The following AKT3 variants were observed in gnomAD, a reference collection of about 807,000 sequenced individuals.
The protein encoded by AKT3 is AKT serine/threonine kinase 3.
A neutral mutation model predicts 65.3 loss-of-function variants in AKT3; 15 were observed. That is an observed-to-expected ratio of 0.23 (90% CI 0.15 to 0.35). The LOEUF (loss-of-function observed/expected upper bound fraction) is 0.35, where lower values mean the gene tolerates loss of function less well. Among genes scored for constraint, AKT3 ranks in the 10% least tolerant of loss-of-function variants. The probability of loss-of-function intolerance (pLI) is 1.00; values close to 1 mark genes in which losing one functional copy is unlikely to be tolerated. For missense variants in AKT3, 243 were observed against 576.5 expected (o/e 0.42, Z 5.92); for synonymous variants, 206 against 183.8 (o/e 1.12, Z -0.98).
At chr1:243,823,971 ACAAAG>A (rs1280398014) in intron 2 of AKT3, among the ~76,000 whole-genome samples, 1 of 152,212 alleles carries the variant, frequency 6.6e-6, no homozygotes, top group Non-Finnish European at 1.5e-5. Flanking sequence ...AGCAAAAAGA[ACAAAG>A]CTGGAGGCAT....
At chr1:243,609,130 G>A (rs752777787) in intron 8 of AKT3, among the ~76,000 whole-genome samples, 6 of 151,672 alleles carry the variant, frequency 4.0e-5, no homozygotes, top group Non-Finnish European at 8.8e-5. Flanking sequence ...AATTAAACAA[G>A]TTGCCACAAG....
chr1:243,636,325 C>G (rs1012600010), intron 6 of AKT3, among the ~76,000 whole-genome samples: 7 of 151,500 alleles, frequency 4.6e-5, no homozygotes, highest in Non-Finnish European at 1.0e-4. Context: ...TTCATTTAAC[C>G]CTGAAAATAA....
intron 2 of AKT3, among the ~76,000 whole-genome samples, chr1:243,751,839 A>G (rs1282750286): frequency 6.6e-6 from 1 of 152,204 alleles, no homozygotes; most frequent in Admixed American, 6.5e-5. Context: ...CTTCGGTATC[A>G]AGAGAGTTTA....
intron 2 of AKT3, among the ~76,000 whole-genome samples, chr1:243,723,392 T>G (rs1572230888): frequency 6.6e-6 from 1 of 152,360 alleles, no homozygotes; most frequent in East Asian, 1.9e-4. Flanking sequence ...TTTATCACTT[T>G]GAAGCCAATG....
At chr1:243,570,530 T>A (rs1674482257) in intron 9 of AKT3, among the ~76,000 whole-genome samples, 2 of 152,194 alleles carry the variant, frequency 1.3e-5, no homozygotes, top group South Asian at 4.1e-4. Flanking sequence ...AATAAGGAGC[T>A]AGGATTCATG....
intron 2 of AKT3, among the ~76,000 whole-genome samples, chr1:243,811,175 G>A (rs1693119546): frequency 6.6e-6 from 1 of 152,300 alleles, no homozygotes; most frequent in South Asian, 2.1e-4. Context: ...TCTAGCCGGG[G>A]CAATCAGGCA....
intron 8 of AKT3, among the ~76,000 whole-genome samples, chr1:243,608,338 A>G (rs1027045508): frequency 1.3e-5 from 2 of 152,240 alleles, no homozygotes; most frequent in Non-Finnish European, 2.9e-5. Context: ...AACTCAAATT[A>G]TAATTCAAGG....
chr1:243,537,731 G>A (rs770531610), intron 12 of AKT3, among the ~76,000 whole-genome samples: 39 of 152,256 alleles, frequency 2.6e-4, no homozygotes, highest in Non-Finnish European at 4.7e-4. Flanking sequence ...ATACGAGGTC[G>A]ACTTTCAAGA....
In AKT3 at chr1:243,526,778, T is replaced by TAAAAAAAAAAAAAAAAAAAAAAAAAAAAA. The variant is rs1671117704; in HGVS notation, c.1252-14353_1252-14352insTTTTTTTTTTTTTTTTTTTTTTTTTTTTT. The stretch of plus-strand genomic sequence containing the variant: ...TTGCCAGCTGCACTACAAAAAATGG[T>TAAAAAAAAAAAAAAAAAAAAAAAAAAAAA]TAAAAAAAAAAAAAAAAAAAAAAAA... On this transcript the variant is annotated intron_variant, in intron 12 of 13. Coordinates refer to ENST00000673466, the MANE Select transcript of AKT3 (RefSeq NM_005465.7). Among the ~76,000 whole-genome samples the TAAAAAAAAAAAAAAAAAAAAAAAAAAAAA allele has an allele frequency of 2.0e-4, 11 of 55,726 alleles. 2 individuals are homozygous for TAAAAAAAAAAAAAAAAAAAAAAAAAAAAA. The highest frequency in any genetic ancestry group is 3.0e-4 in the African/African-American group (5 of 16,498). The allele number at this position is 55,726 out of a possible 152,430, so 36.6% of individuals were successfully genotyped here.
At chr1:243,813,529 G>A (rs1693319485) in intron 2 of AKT3, among the ~76,000 whole-genome samples, 1 of 150,828 alleles carries the variant, frequency 6.6e-6, no homozygotes, top group South Asian at 2.1e-4. Flanking sequence ...AAAAAAATTA[G>A]AATCAGTGTC....
At chr1:243,540,283 C>T (rs1329471808) in intron 12 of AKT3, among the ~76,000 whole-genome samples, 1 of 151,870 alleles carries the variant, frequency 6.6e-6, no homozygotes, top group Non-Finnish European at 1.5e-5. Flanking sequence ...AAGGTTCACT[C>T]AACTTTGGAA....
chr1:243,838,649 T>C (rs1305085442), intron 2 of AKT3, among the ~76,000 whole-genome samples: 1 of 152,218 alleles, frequency 6.6e-6, no homozygotes, highest in East Asian at 1.9e-4. Context: ...ACAATCTTTA[T>C]GTTGCTAAAG....
At chr1:243,726,042 ATTAAT>A (rs1687188825) in intron 2 of AKT3, among the ~76,000 whole-genome samples, 1 of 86,638 alleles carries the variant, frequency 1.2e-5, no homozygotes, top group African/African-American at 5.9e-5. Flanking sequence ...TGCCTCCAAC[ATTAAT>A]GTCTGGAATT....
chr1:243,589,695 T>A (rs1052924339), intron 8 of AKT3, among the ~76,000 whole-genome samples: 2 of 152,190 alleles, frequency 1.3e-5, no homozygotes, highest in African/African-American at 4.8e-5. Flanking sequence ...TATATATCTA[T>A]CTGAAGGAAA....
intron 2 of AKT3, among the ~76,000 whole-genome samples, chr1:243,829,135 C>T (rs1038220456): frequency 6.6e-5 from 10 of 152,236 alleles, no homozygotes; most frequent in African/African-American, 2.4e-4. Context: ...TATAATTTGG[C>T]ATTTTCTTCT....
At chr1:243,515,818 G>A (rs759705187) in intron 12 of AKT3, among the ~76,000 whole-genome samples, 33 of 152,034 alleles carry the variant, frequency 2.2e-4, no homozygotes, top group Non-Finnish European at 4.6e-4. Context: ...GGAAACCCCC[G>A]TCTCTACTAA....
At chr1:243,614,681 A>G (rs1678164258) in intron 7 of AKT3, among the ~76,000 whole-genome samples, 1 of 152,170 alleles carries the variant, frequency 6.6e-6, no homozygotes, top group Non-Finnish European at 1.5e-5. Context: ...TCTGCCTTCC[A>G]TATTTGAAGA....
chr1:243,779,609 C>T (rs897537510), intron 2 of AKT3, among the ~76,000 whole-genome samples: 6 of 151,620 alleles, frequency 4.0e-5, no homozygotes, highest in Admixed American at 6.6e-5. Context: ...TAAAACAGTA[C>T]GGTATTCATG....
intron 12 of AKT3, among the ~76,000 whole-genome samples, chr1:243,527,934 CACAGAGAGAG>C (rs1320960105): frequency 3.4e-4 from 10 of 29,108 alleles, no homozygotes; most frequent in African/African-American, 8.3e-4. Context: ...CACACACACA[CACAGAGAGAG>C]AGAGAGAGAG....
Sources: gnomAD v4.1 joint callset for allele counts (sites outside exome capture counted in the v4.1 genomes callset) on GRCh38, gnomAD v4.1.1 for gene constraint, MANE v1.5 for transcripts, NCBI Gene and HGNC (gene_info 2026-07-23, HGNC 2026-07-21) for gene names.